CACNB1: variants seen among roughly 807,000 people sequenced by gnomAD.
CACNB1 encodes calcium voltage-gated channel auxiliary subunit beta 1.
CACNB1 carries 29 observed loss-of-function variants against 71.6 expected under a neutral mutation model. That is an observed-to-expected ratio of 0.40 (90% confidence interval 0.30 to 0.55). The LOEUF is 0.55. CACNB1 is among the 20% of genes least tolerant of loss of function. The probability of loss-of-function intolerance (pLI) is 0.38; values close to 1 mark genes in which losing one functional copy is unlikely to be tolerated. For missense variants in CACNB1, 623 were observed against 801.8 expected (o/e 0.78, Z 2.69); for synonymous variants, 300 against 319.6 (o/e 0.94, Z 0.65).
At chr17:39,185,998 A>G (rs776168124) in intron 6 of CACNB1, 1 of 1,613,614 alleles carries the variant, frequency 6.2e-7, no homozygotes, top group African/African-American at 1.3e-5. Context: ...GGGTGGTGAC[A>G]CTGCTAACAC....
In CACNB1 at chr17:39,194,560, G is replaced by A. The variant is rs907711913; in HGVS notation, c.171+324C>T. 1.3e-5 allele frequency among the ~76,000 whole-genome samples: 2 copies of A among 152,128 alleles called. No homozygotes were observed. Among genetic ancestry groups the A allele is most frequent in the East Asian group, 1.9e-4 (1 of 5,184 alleles). ...GGGGAGGACATGGAAGCAGACAGCC[G>A]GCAGGGGGAGTGGGTGACAGCCCGA... On this transcript the variant is annotated intron_variant, in intron 2 of 13. Coordinates refer to ENST00000394303, the MANE Select transcript of CACNB1 (RefSeq NM_000723.5). This position sits in a 1 kb window ranked among gnomAD's most constrained non-coding sequence, Gnocchi z 4.6.
At position 39,186,775 on chromosome 17, in the gene CACNB1, C is replaced by G. The variant is rs1283228907; in HGVS notation, c.551+18G>C. 6.2e-7 allele frequency: 1 copy of G among 1,613,130 alleles called. No homozygotes were observed. The highest frequency in any genetic ancestry group is 2.2e-5 in the East Asian group (1 of 44,884). On this transcript the variant is annotated intron_variant, in intron 5 of 13. Transcript: ENST00000394303. This position sits in a 1 kb window ranked among gnomAD's most constrained non-coding sequence, Gnocchi z 4.1. ...CCTGGGGTTGGCAGCATCCCCTTCCCCTGCCCCACCCAGACACCTGGAGCC... is the reference window on the plus strand; with the variant it reads ...CCTGGGGTTGGCAGCATCCCCTTCCGCTGCCCCACCCAGACACCTGGAGCC...
chr17:39,188,264 C>T (rs902125031), intron 3 of CACNB1, among the ~76,000 whole-genome samples: 1 of 151,418 alleles, frequency 6.6e-6, no homozygotes, highest in Admixed American at 6.6e-5. Context: ...GCCTGGATGA[C>T]GGAGCAAGAC....
rs1228030364 is a variant in CACNB1, at chr17:39,184,134, G to A, written c.795C>T (p.Ser265=). The change falls in exon 10 of 14, where the codon TCC becomes TCT. Residue 265 remains serine, a synonymous_variant. Transcript: ENST00000394303. ...FLKHRFDGRI[S]ITRVTADISL... ...AAATATCTGCCGTCACACGAGTGATGGAGATCCTGGGGAATGGGGCAAGAG... is the reference window on the plus strand; with the variant it reads ...AAATATCTGCCGTCACACGAGTGATAGAGATCCTGGGGAATGGGGCAAGAG... 1 of 1,606,702 alleles carries A rather than the reference G, an allele frequency of 6.2e-7. No individual in the cohort carries two copies. Among genetic ancestry groups the A allele is most frequent in the East Asian group, 2.2e-5 (1 of 44,856 alleles).
chr17:39,185,998 A>C (rs776168124), intron 6 of CACNB1: 1 of 1,613,732 alleles, frequency 6.2e-7, no homozygotes, highest in Admixed American at 1.7e-5. Context: ...GGGTGGTGAC[A>C]CTGCTAACAC....
intron 11 of CACNB1, chr17:39,182,964 C>T (rs2045815465): frequency 1.0e-6 from 1 of 984,448 alleles, no homozygotes. Context: ...AACTTCAAAT[C>T]CTCCACCTCA....
chr17:39,184,238 G>C, intron 9 of CACNB1, 87 bp downstream of exon 9: 2 of 1,287,332 alleles, frequency 1.6e-6, no homozygotes, highest in East Asian at 4.9e-5. Flanking sequence ...CTCAGTCCGA[G>C]TCCCAGGATT....
intron 12 of CACNB1, 93 bp downstream of exon 12, chr17:39,177,891 T>C: frequency 2.0e-6 from 2 of 1,011,936 alleles, no homozygotes; most frequent in Non-Finnish European, 3.1e-6. Flanking sequence ...ACCCAGGTGT[T>C]CCTGGTCACC....
At position 39,177,911 on chromosome 17, in the gene CACNB1, ATG is replaced by A; in HGVS notation, c.1146+71_1146+72del. 6 of 1,212,828 alleles carry A rather than the reference ATG, an allele frequency of 4.9e-6. 1 individual carries two copies. Among genetic ancestry groups the A allele is most frequent in the Middle Eastern group, 1.9e-4 (1 of 5,190 alleles). 75.1% of individuals were successfully genotyped at this position (1,212,828 alleles called of 1,614,324 possible). A position where few individuals can be genotyped will look rare whatever the true frequency, so the allele number is the denominator to read the frequency against. On this transcript the variant is annotated intron_variant, in intron 12 of 13. Transcript: ENST00000394303. ...GGTGTTCCTGGTCACCCTGTCTCTC[ATG>A]TAGGCCAGAGGAAACCAGGACAACC...
chr17:39,188,365 A>C lies in CACNB1; in HGVS notation c.292-764T>G, dbSNP rs1413563088. 3.3e-5 allele frequency among the ~76,000 whole-genome samples: 5 copies of C among 152,024 alleles called. No homozygotes were observed. In the East Asian group the frequency reaches 9.8e-4, roughly 30 times the overall value. ...CAGAGGCAGGTGGATTCATGAGGTC[A>C]GGAGTTCAAGACCAGCCTAGCCAAG... On this transcript the variant is annotated intron_variant, in intron 3 of 13. Transcript: ENST00000394303.
At chr17:39,185,353 G>A (rs529621027) in intron 6 of CACNB1, among the ~76,000 whole-genome samples, 67 of 152,222 alleles carry the variant, frequency 4.4e-4, no homozygotes, top group African/African-American at 1.6e-3. Context: ...AGCCAGAGGT[G>A]GCCCTGGATC....
intron 11 of CACNB1, among the ~76,000 whole-genome samples, chr17:39,179,589 A>AAAG (rs2045694870): frequency 2.0e-5 from 3 of 149,970 alleles, no homozygotes; most frequent in Admixed American, 1.3e-4. Flanking sequence ...AAAAAAAAAA[A>AAAG]AAAGAAAGAA....
intron 11 of CACNB1, 57 bp downstream of exon 11, chr17:39,183,656 C>A: frequency 7.1e-7 from 1 of 1,405,434 alleles, no homozygotes. Flanking sequence ...GGGATTTAAA[C>A]CCAAGCAGCC....
intron 1 of CACNB1, among the ~76,000 whole-genome samples, chr17:39,195,980 T>A (rs1252205480): frequency 1.3e-5 from 2 of 152,120 alleles, no homozygotes; most frequent in African/African-American, 4.8e-5. Context: ...AGTCCTCTTG[T>A]AAGAAGAGCT....
intron 3 of CACNB1, 26 bp from the exon 4 acceptor site, chr17:39,187,627 G>A (rs1236700322): frequency 3.1e-6 from 5 of 1,613,558 alleles, no homozygotes; most frequent in Non-Finnish European, 4.2e-6. Context: ...AGGGGAGGAT[G>A]GCAACTAGAG....
chr17:39,181,917 C>G (rs191147951), intron 11 of CACNB1, among the ~76,000 whole-genome samples: 1 of 152,060 alleles, frequency 6.6e-6, no homozygotes, highest in Non-Finnish European at 1.5e-5. Context: ...AATCCTAGAA[C>G]TTTGGGAGGC....
In CACNB1 at chr17:39,197,480, TG is replaced by T. The variant is rs2144194059; in HGVS notation, c.15del (p.Ser6AlafsTer76). The T allele has an allele frequency of 6.7e-7, 1 of 1,494,014 alleles. No homozygotes were observed. Among genetic ancestry groups the T allele is most frequent in the Non-Finnish European group, 8.9e-7 (1 of 1,124,694 alleles). 92.5% of individuals were successfully genotyped at this position (1,494,014 alleles called of 1,614,324 possible). ...GGTGGGTAAGGGCCCCGGGACATGC[TG>T]GTCTTCTGGACCATGGAGAGGAGCC... MVQK[T>X]SMSRGPYPPS... On this transcript the variant is annotated frameshift_variant, in exon 1 of 14. Coordinates refer to ENST00000394303, the MANE Select transcript of CACNB1 (RefSeq NM_000723.5). LOFTEE classifies it high-confidence loss of function.
intron 11 of CACNB1, among the ~76,000 whole-genome samples, chr17:39,181,531 C>T (rs2045761825): frequency 6.6e-6 from 1 of 152,206 alleles, no homozygotes; most frequent in South Asian, 2.1e-4. Context: ...TAAGTGACAG[C>T]CCTGGAGTAG....
At chr17:39,190,324 G>T (rs2046043180) in intron 3 of CACNB1, among the ~76,000 whole-genome samples, 1 of 152,180 alleles carries the variant, frequency 6.6e-6, no homozygotes, top group South Asian at 2.1e-4. Flanking sequence ...GGGAGGCTGA[G>T]ATGGGAGGTC....
Sources: allele counts gnomAD v4.1 joint callset (sites outside exome capture counted in the v4.1 genomes callset), GRCh38; gene constraint gnomAD v4.1.1; non-coding constraint Gnocchi (gnomAD v3.1); transcripts MANE v1.5; gene names NCBI Gene and HGNC (gene_info 2026-07-23, HGNC 2026-07-21).